The following ANTXRL variants were observed in gnomAD, a reference collection of about 807,000 sequenced individuals.
ANTXRL encodes ANTXR like.
ANTXRL carries 63 observed loss-of-function variants against 75.4 expected under a neutral mutation model. That is an observed-to-expected ratio of 0.84 (90% confidence interval 0.68 to 1.03). The LOEUF (loss-of-function observed/expected upper bound fraction) is 1.03. Among genes scored for constraint, ANTXRL ranks in the 50% least tolerant of loss-of-function variants. ANTXRL has a pLI of 0.00. For missense variants in ANTXRL, 797 were observed against 789.4 expected (o/e 1.01, Z -0.12); for synonymous variants, 335 against 291.3 (o/e 1.15, Z -1.53).
intron 12 of ANTXRL, chr10:46,308,432 C>T (rs1395331270): frequency 4.1e-5 from 16 of 390,038 alleles, no homozygotes; most frequent in Non-Finnish European, 6.1e-5. Flanking sequence ...CCCCTCCTCT[C>T]CACTCCCCTC....
intron 16 of ANTXRL, among the ~76,000 whole-genome samples, chr10:46,326,179 AAG>A (rs1839202600): frequency 1.3e-5 from 2 of 152,046 alleles, no homozygotes; most frequent in Non-Finnish European, 2.9e-5. Flanking sequence ...GATGGATAAA[AAG>A]AGGAATAGCT....
rs1554956651 is a variant in ANTXRL at position 46,292,091 on chromosome 10, T to C, written c.282T>C (p.Leu94=). The change falls in exon 2 of 17, where the codon CTT becomes CTC. Residue 94 remains leucine, a synonymous_variant. Coordinates refer to ENST00000620264, the MANE Select transcript of ANTXRL (RefSeq NM_001278688.3). ...SGSVNNNWID[L]YMWVEETVAR... ...GCGTGAACAATAACTGGATTGACCT[T>C]TATATGTGGGTGGAGGAAACAGTGG... 1 of 1,536,296 alleles carries C rather than the reference T, an allele frequency of 6.5e-7. No individual in the cohort carries two copies. Among genetic ancestry groups the C allele is most frequent in the East Asian group, 2.4e-5 (1 of 40,912 alleles).
chr10:46,302,639 G>A (rs1316709682), intron 9 of ANTXRL, 83 bp from the exon 10 acceptor site: 1 of 1,010,828 alleles, frequency 9.9e-7, no homozygotes, highest in African/African-American at 1.6e-5. Flanking sequence ...GGTTTTGGGG[G>A]TGGATCTCCA....
chr10:46,311,110 G>A (rs1838394431), intron 14 of ANTXRL, among the ~76,000 whole-genome samples: 2 of 152,092 alleles, frequency 1.3e-5, no homozygotes, highest in South Asian at 2.1e-4. Context: ...GAGTAGCTGA[G>A]GCAGGAGGCC....
At chr10:46,323,080 G>A (rs1438370622) in intron 16 of ANTXRL, among the ~76,000 whole-genome samples, 3 of 152,126 alleles carry the variant, frequency 2.0e-5, no homozygotes, top group African/African-American at 4.8e-5. Context: ...CCAAAATTGT[G>A]TACTACTCCA....
rs41311228 is a variant in ANTXRL at position 46,306,866 on chromosome 10, C to A, written c.959C>A (p.Pro320His). 1 of 1,529,182 alleles carries A rather than the reference C, an allele frequency of 6.5e-7. No homozygotes were observed. Among genetic ancestry groups the A allele is most frequent in the Non-Finnish European group, 8.7e-7 (1 of 1,143,766 alleles). The allele number at this position is 1,529,182 out of a possible 1,614,324, so 94.7% of individuals were successfully genotyped here. ...TGCCCTGGGCCAAAACTAGAAAAAC[C>A]TGGAGAGTAAGTGCCCCTGGCAGGA... ...MNCPGPKLEK[P>H]GEEYSIEVSL... The change falls in exon 11 of 17, where the codon CCT becomes CAT. Residue 320 changes from proline to histidine, a missense_variant. Pro to His is a moderately conservative substitution (Grantham distance 77). Coordinates refer to ENST00000620264, the MANE Select transcript of ANTXRL (RefSeq NM_001278688.3).
intron 12 of ANTXRL, among the ~76,000 whole-genome samples, chr10:46,308,247 C>T (rs778388108): frequency 2.3e-4 from 35 of 152,160 alleles, no homozygotes; most frequent in Non-Finnish European, 4.7e-4. Flanking sequence ...TGAATGCACG[C>T]ATTCCCCATC....
At chr10:46,312,158 G>T (rs1364393577) in intron 15 of ANTXRL, among the ~76,000 whole-genome samples, 1 of 150,492 alleles carries the variant, frequency 6.6e-6, no homozygotes, top group Non-Finnish European at 1.5e-5. Flanking sequence ...CTGCCAGCCC[G>T]GGCAGCAGAA....
In ANTXRL at chr10:46,310,519, C is replaced by G. The variant is rs781803462; in HGVS notation, c.1173+20C>G. On this transcript the variant is annotated intron_variant, in intron 14 of 16. Transcript: ENST00000620264. ...GAAAAGGTAAGTTGCAGTTCTGGTC[C>G]CGATATTGTCACATCCCAAGGAGCC... The G allele has an allele frequency of 6.5e-7, 1 of 1,535,780 alleles. No individual in the cohort carries two copies. Among genetic ancestry groups the G allele is most frequent in the South Asian group, 1.2e-5 (1 of 84,024 alleles).
At chr10:46,297,528 A>G (rs1365870759) in intron 7 of ANTXRL, 54 bp downstream of exon 7, 54 of 1,522,294 alleles carry the variant, frequency 3.5e-5, no homozygotes, top group Non-Finnish European at 4.7e-5. Flanking sequence ...GTCACTTTCG[A>G]GCCAACCGTC....
chr10:46,288,312 G>C (rs1287936299), intron 1 of ANTXRL, among the ~76,000 whole-genome samples: 1 of 152,082 alleles, frequency 6.6e-6, no homozygotes, highest in Non-Finnish European at 1.5e-5. Flanking sequence ...CACAATCCTG[G>C]GCTGTGAGTA....
intron 10 of ANTXRL, 112 bp from the exon 11 acceptor site, chr10:46,306,691 C>T (rs556863728): frequency 1.7e-4 from 149 of 887,830 alleles, no homozygotes; most frequent in Non-Finnish European, 2.2e-4. Flanking sequence ...AAGGCAGAGC[C>T]CACATGCCGG....
At chr10:46,322,531 G>A (rs1554965788) in intron 16 of ANTXRL, among the ~76,000 whole-genome samples, 1 of 151,802 alleles carries the variant, frequency 6.6e-6, no homozygotes, top group Non-Finnish European at 1.5e-5. Context: ...GTTTTCCCAG[G>A]ATTATGAGTT....
chr10:46,320,402 T>C (rs1160052133), intron 16 of ANTXRL, among the ~76,000 whole-genome samples: 4 of 152,116 alleles, frequency 2.6e-5, no homozygotes, highest in Admixed American at 1.3e-4. Context: ...TGGAGAAGTG[T>C]CCATTTAGTT....
At chr10:46,316,921 C>A (rs78239032) in intron 16 of ANTXRL, among the ~76,000 whole-genome samples, 6,952 of 151,868 alleles carry the variant, frequency 0.046, 547 homozygotes, top group African/African-American at 0.16. Flanking sequence ...GGTGGATTGG[C>A]GTGTCTCTAT....
intron 11 of ANTXRL, among the ~76,000 whole-genome samples, chr10:46,307,115 A>G (rs1838141846): frequency 6.6e-6 from 1 of 152,122 alleles, no homozygotes; most frequent in East Asian, 1.9e-4. Flanking sequence ...AAGGAATGGT[A>G]CCTTTGCTCC....
chr10:46,327,153 G>A (rs1839256599), intron 16 of ANTXRL, among the ~76,000 whole-genome samples: 1 of 152,152 alleles, frequency 6.6e-6, no homozygotes, highest in Non-Finnish European at 1.5e-5. Context: ...CTCAAGAGGA[G>A]CGAGGGAGGG....
At chr10:46,301,832 C>T (rs1837763259) in intron 9 of ANTXRL, among the ~76,000 whole-genome samples, 2 of 152,208 alleles carry the variant, frequency 1.3e-5, no homozygotes, top group Non-Finnish European at 2.9e-5. Flanking sequence ...GGACCGGGGG[C>T]GCCCCAAGCA....
At position 46,329,929 on chromosome 10, in the gene ANTXRL, C is replaced by T. The variant is rs1428271091; in HGVS notation, c.1741C>T (p.Arg581Trp). 1.2e-5 allele frequency: 19 copies of T among 1,535,788 alleles called. No homozygotes were observed. The highest frequency in any genetic ancestry group is 1.1e-4 in the African/African-American group (8 of 72,990). Residue 581 changes from arginine (R) to tryptophan (W), a missense_variant, in exon 17 of 17, where the codon CGG (arginine) becomes TGG (tryptophan). Physicochemically the swap from Arg to Trp is moderately radical, Grantham distance 101. Coordinates refer to ENST00000620264, the MANE Select transcript of ANTXRL (RefSeq NM_001278688.3). The stretch of plus-strand genomic sequence containing the variant: ...CCCAAAGAGCTGCCTTCAACCCAGC[C>T]GGGAGTGCCTCCCCCTCACCTGCTC... ...CNPKSCLQPS[R>W]ECLPLTCSSR...
Sources: gnomAD v4.1 joint callset for allele counts (sites outside exome capture counted in the v4.1 genomes callset) on GRCh38, gnomAD v4.1.1 for gene constraint, MANE v1.5 for transcripts, NCBI Gene and HGNC (gene_info 2026-07-23, HGNC 2026-07-21) for gene names.